The following MFSD6 variants were observed in gnomAD, a reference collection of about 807,000 sequenced individuals.
MFSD6 encodes major facilitator superfamily domain-containing protein 6.
MFSD6 carries 26 observed loss-of-function variants against 56.3 expected under a neutral mutation model. The observed-to-expected ratio is 0.46, with a 90% CI of 0.34 to 0.64. The LOEUF is 0.64. Ranked by LOEUF, MFSD6 falls within the 30% of genes least tolerant of loss-of-function variation. The pLI, the probability that MFSD6 is intolerant of heterozygous loss-of-function variation, is 0.01. For synonymous variants in MFSD6, 331 were observed against 366.9 expected, an observed-to-expected ratio of 0.90 and a Z score of 1.12; for missense variants, 750 against 986.2, an observed-to-expected ratio of 0.76 and a Z score of 3.21.
chr2:190,433,626 A>AT lies in MFSD6; in HGVS notation c.-53-2343dup, dbSNP rs1488825171. Among the ~76,000 whole-genome samples, 1 of 152,030 alleles carries AT rather than the reference A, an allele frequency of 6.6e-6. No homozygotes were observed. Among genetic ancestry groups the AT allele is most frequent in the African/African-American group, 2.4e-5 (1 of 41,398 alleles). On this transcript the variant is annotated intron_variant, in intron 2 of 7. Coordinates refer to ENST00000392328, the MANE Select transcript of MFSD6 (RefSeq NM_017694.4). This position sits in a 1 kb window ranked among gnomAD's most constrained non-coding sequence, Gnocchi z 4.5. Reference sequence around the variant, plus strand: ...GTTATGTGAATTTCACTTCAGTTAAATTTTTTTTAACCTAAAAAACCGACA... The same window carrying AT: ...GTTATGTGAATTTCACTTCAGTTAAATTTTTTTTTAACCTAAAAAACCGACA...
chr2:190,453,671 T>C (rs574820352), intron 3 of MFSD6, among the ~76,000 whole-genome samples: 1 of 152,348 alleles, frequency 6.6e-6, no homozygotes, highest in African/African-American at 2.4e-5. Context: ...ACTGATATTC[T>C]TTTAATGTTA....
Position 190,471,210 on chromosome 2 carries a change from G to C in MFSD6, c.1630+1355G>C, listed in dbSNP as rs575886862. ...TCTGCATTTCCAACTGAGGTACCGG[G>C]TTCATCTCACTGGGGATTGTCAGGC... On this transcript the variant is annotated intron_variant, in intron 4 of 7. Transcript: ENST00000392328. The surrounding 1 kb of genome is among the most constrained non-coding windows in gnomAD (Gnocchi z 4.7). 1.1e-4 allele frequency among the ~76,000 whole-genome samples: 16 copies of C among 152,258 alleles called. No homozygotes were observed. In the East Asian group the frequency reaches 2.3e-3, roughly 22 times the overall value.
rs1689827006 is a variant in MFSD6 at position 190,498,357 on chromosome 2, T to A, written c.2172+638T>A. 6.6e-6 allele frequency among the ~76,000 whole-genome samples: 1 copy of A among 152,226 alleles called. No homozygotes were observed. The highest frequency in any genetic ancestry group is 2.4e-5 in the African/African-American group (1 of 41,462). On this transcript the variant is annotated intron_variant, in intron 7 of 7. Coordinates refer to ENST00000392328, the MANE Select transcript of MFSD6 (RefSeq NM_017694.4). The surrounding 1 kb of genome is among the most constrained non-coding windows in gnomAD (Gnocchi z 5.9). ...AAGAAATAGGCTCAGTTCCCCCATC[T>A]CATGATAATCACTCCCTTTTATTTG...
At chr2:190,484,971 A>G (rs1361098880) in intron 4 of MFSD6, among the ~76,000 whole-genome samples, 2 of 152,176 alleles carry the variant, frequency 1.3e-5, no homozygotes, top group African/African-American at 4.8e-5. Context: ...GAGTTAATTT[A>G]AAGAATGTAA....
chr2:190,411,294 G>A (rs1690556132), intron 1 of MFSD6: 1 of 414,460 alleles, frequency 2.4e-6, no homozygotes, highest in Admixed American at 6.4e-5. Context: ...CGAGTAGCTG[G>A]GATTACAGGC....
intron 2 of MFSD6, among the ~76,000 whole-genome samples, chr2:190,422,370 G>A (rs1685648599): frequency 1.3e-5 from 2 of 152,042 alleles, no homozygotes; most frequent in South Asian, 4.1e-4. Flanking sequence ...TCTCTCCCAT[G>A]TTAGATCTCT....
chr2:190,407,623 T>C (rs1013885808), upstream of MFSD6, among the ~76,000 whole-genome samples: 1 of 152,196 alleles, frequency 6.6e-6, no homozygotes, highest in Non-Finnish European at 1.5e-5. The surrounding 1 kb of genome is among the most constrained non-coding windows in gnomAD (Gnocchi z 5.4). Flanking sequence ...CCCAACTCTC[T>C]GCGTGTTTAA....
chr2:190,479,798 C>A (rs1013658373), intron 4 of MFSD6, among the ~76,000 whole-genome samples: 39 of 152,224 alleles, frequency 2.6e-4, no homozygotes, highest in African/African-American at 8.9e-4. Context: ...AGGTCTGGGT[C>A]AGCTCTCTCT....
At position 190,471,689 on chromosome 2, in the gene MFSD6, GC is replaced by G. The variant is rs933722649; in HGVS notation, c.1630+1835del. On this transcript the variant is annotated intron_variant, in intron 4 of 7. Coordinates refer to ENST00000392328, the MANE Select transcript of MFSD6 (RefSeq NM_017694.4). This position sits in a 1 kb window ranked among gnomAD's most constrained non-coding sequence, Gnocchi z 4.7. ...GGGGCAGAGCATAGCCAAACAAAAG[GC>G]AGCAGAAACCTCTGCAGACTTAAAT... Among the ~76,000 whole-genome samples, 1 of 152,174 alleles carries G rather than the reference GC, an allele frequency of 6.6e-6. No individual in the cohort carries two copies. The highest frequency in any genetic ancestry group is 2.4e-5 in the African/African-American group (1 of 41,432).
rs1686446776 is a variant in MFSD6, at chr2:190,443,203, G to A, written c.1532+5642G>A. On this transcript the variant is annotated intron_variant, in intron 3 of 7. Transcript: ENST00000392328. The surrounding 1 kb of genome is among the most constrained non-coding windows in gnomAD (Gnocchi z 4.2). ...TAAGCAAGGGAGAAAAAAAATAAAA[G>A]GAACAGGACTTTAAGGATTGTATGG... Among the ~76,000 whole-genome samples, 1 of 152,134 alleles carries A rather than the reference G, an allele frequency of 6.6e-6. No individual in the cohort carries two copies. The highest frequency in any genetic ancestry group is 2.1e-4 in the South Asian group (1 of 4,828).
At chr2:190,445,335 A>G (rs1277995320) in intron 3 of MFSD6, among the ~76,000 whole-genome samples, 1 of 152,110 alleles carries the variant, frequency 6.6e-6, no homozygotes, top group Non-Finnish European at 1.5e-5. Flanking sequence ...TGTTAGTTCC[A>G]TTTAACTCAT....
chr2:190,412,493 G>A lies in MFSD6; in HGVS notation c.-175-2799G>A. 1.0e-6 allele frequency: 1 copy of A among 985,284 alleles called. No homozygotes were observed. The highest frequency in any genetic ancestry group is 1.2e-6 in the Non-Finnish European group (1 of 829,890). 61.0% of individuals were successfully genotyped at this position (985,284 alleles called of 1,614,324 possible). On this transcript the variant is annotated intron_variant, in intron 1 of 7. Transcript: ENST00000392328. The surrounding 1 kb of genome is among the most constrained non-coding windows in gnomAD (Gnocchi z 4.1). Reference sequence around the variant, plus strand: ...CCTACCCTACTACAAGGCCAGTTTGGGTAAAATTTCTTCCTCAAACTCAAC... The same window carrying A: ...CCTACCCTACTACAAGGCCAGTTTGAGTAAAATTTCTTCCTCAAACTCAAC...
In MFSD6 at chr2:190,497,019, G is replaced by C. The variant is rs1157615861; in HGVS notation, c.1892-420G>C. Among the ~76,000 whole-genome samples the C allele has an allele frequency of 6.6e-6, 1 of 152,082 alleles. No individual in the cohort carries two copies. The highest frequency in any genetic ancestry group is 1.5e-5 in the Non-Finnish European group (1 of 68,008). Reference sequence around the variant, plus strand: ...CACAAATCACCATTAGAGAACTTACGTAACCAAATACCACCTGTTCCCCAA... The same window carrying C: ...CACAAATCACCATTAGAGAACTTACCTAACCAAATACCACCTGTTCCCCAA... On this transcript the variant is annotated intron_variant, in intron 6 of 7. Transcript: ENST00000392328. The surrounding 1 kb of genome is among the most constrained non-coding windows in gnomAD (Gnocchi z 5.2).
rs945058684 is a variant in MFSD6, at chr2:190,434,196, G to A, written c.-53-1781G>A. Among the ~76,000 whole-genome samples, 880 of 131,580 alleles carry A rather than the reference G, an allele frequency of 6.7e-3. 7 individuals are homozygous for A. The highest frequency in any genetic ancestry group is 0.017 in the East Asian group (75 of 4,484). 86.3% of individuals were successfully genotyped at this position (131,580 alleles called of 152,430 possible). The stretch of plus-strand genomic sequence containing the variant: ...ACCCTGTCTCTCAAAAAAAAAAAAA[G>A]AAAAAAAAGAAAAGAAGGTGAAAGG... On this transcript the variant is annotated intron_variant, in intron 2 of 7. Transcript: ENST00000392328. This position sits in a 1 kb window ranked among gnomAD's most constrained non-coding sequence, Gnocchi z 4.3.
At position 190,439,332 on chromosome 2, in the gene MFSD6, T is replaced by C. The variant is rs1686289203; in HGVS notation, c.1532+1771T>C. Among the ~76,000 whole-genome samples the C allele has an allele frequency of 6.6e-6, 1 of 152,090 alleles. No individual in the cohort carries two copies. The highest frequency in any genetic ancestry group is 1.5e-5 in the Non-Finnish European group (1 of 68,010). ...GAACACTGACTCAGTACAGAGTATG[T>C]GTTTAGGTTCTATTTTCTTTTTTTT... On this transcript the variant is annotated intron_variant, in intron 3 of 7. Transcript: ENST00000392328. This position sits in a 1 kb window ranked among gnomAD's most constrained non-coding sequence, Gnocchi z 5.8.
chr2:190,408,339 G>GCGCCC (rs1690388422), upstream of MFSD6: 1 of 151,220 alleles, frequency 6.6e-6, no homozygotes, highest in Admixed American at 6.6e-5. Flanking sequence ...TCGCCTCGCC[G>GCGCCC]CGCCCCGCCC....
At position 190,463,591 on chromosome 2, in the gene MFSD6, TAGG is replaced by T. The variant is rs1344422553; in HGVS notation, c.1533-6162_1533-6160del. 6.6e-6 allele frequency among the ~76,000 whole-genome samples: 1 copy of T among 152,146 alleles called. No individual in the cohort carries two copies. Among genetic ancestry groups the T allele is most frequent in the African/African-American group, 2.4e-5 (1 of 41,444 alleles). On this transcript the variant is annotated intron_variant, in intron 3 of 7. Coordinates refer to ENST00000392328, the MANE Select transcript of MFSD6 (RefSeq NM_017694.4). The surrounding 1 kb of genome is among the most constrained non-coding windows in gnomAD (Gnocchi z 4.4). ...TCCCAGCAACTTTGGGAGGCTGAGA[TAGG>T]AGGATTGCTTGAGCCCAGGAGTTCA...
Position 190,423,729 on chromosome 2 carries a change from T to G in MFSD6, c.-54+8316T>G, listed in dbSNP as rs929913516. ...GAAACTGCTAAACTGCTTTCTAGAG[T>G]GGTGTACCATTTTAAATCCCCACCC... On this transcript the variant is annotated intron_variant, in intron 2 of 7. Coordinates refer to ENST00000392328, the MANE Select transcript of MFSD6 (RefSeq NM_017694.4). The surrounding 1 kb of genome is among the most constrained non-coding windows in gnomAD (Gnocchi z 4.3). 6.6e-6 allele frequency among the ~76,000 whole-genome samples: 1 copy of G among 152,226 alleles called. No individual in the cohort carries two copies. Among genetic ancestry groups the G allele is most frequent in the Non-Finnish European group, 1.5e-5 (1 of 68,046 alleles).
chr2:190,466,578 G>C (rs60915953), intron 3 of MFSD6, among the ~76,000 whole-genome samples: 23,739 of 152,148 alleles, frequency 0.16, 1,988 homozygotes, highest in East Asian at 0.31. Flanking sequence ...AGATGATGAT[G>C]ATGATGATGA....
Sources: allele counts gnomAD v4.1 joint callset (sites outside exome capture counted in the v4.1 genomes callset), GRCh38; gene constraint gnomAD v4.1.1; non-coding constraint Gnocchi (gnomAD v3.1); transcripts MANE v1.5; gene names NCBI Gene and HGNC (gene_info 2026-07-23, HGNC 2026-07-21).